SCAF8: variants seen among roughly 807,000 people sequenced by gnomAD.
The protein encoded by SCAF8 is SR-related CTD associated factor 8, also known as SR-related and CTD-associated factor 8.
In SCAF8, 23 loss-of-function variants were observed where a neutral mutation model predicts 140.5. The ratio of observed to expected loss-of-function variants is 0.16; its 90% CI spans 0.12 to 0.23. SCAF8 has a LOEUF of 0.23. Among genes scored for constraint, SCAF8 ranks in the 10% least tolerant of loss-of-function variants. The pLI is 1.00. For missense variants in SCAF8, 1,397 were observed against 1,555.7 expected (o/e 0.90, Z 1.72); for synonymous variants, 575 against 528.9 (o/e 1.09, Z -1.20).
At chr6:154,736,265 CTTTTTT>C (rs71021071) in intron 1 of SCAF8, among the ~76,000 whole-genome samples, 3 of 78,442 alleles carry the variant, frequency 3.8e-5, no homozygotes, top group South Asian at 4.8e-4. Flanking sequence ...CCATCCAAGA[CTTTTTT>C]TTTTTTTTTT....
At chr6:154,802,249 AT>A (rs1777793822) in intron 7 of SCAF8, 102 bp downstream of exon 7, 2 of 690,864 alleles carry the variant, frequency 2.9e-6, no homozygotes, top group South Asian at 5.7e-5. Flanking sequence ...GACTTTCAGT[AT>A]CTCCTGTACA....
rs752345266 is a variant in SCAF8 at position 154,832,720 on chromosome 6, A to G, written c.3141A>G (p.Glu1047=). The G allele has an allele frequency of 9.3e-6, 15 of 1,613,834 alleles. No individual in the cohort carries two copies. The Admixed American group carries it at 2.3e-4, about 25-fold the overall frequency. Residue 1047 remains glutamate (E), a synonymous_variant, in exon 20 of 20, where the codon GAA becomes GAG. Transcript: ENST00000367178. ...DVVGRPIDPR[E]GPGRPPLDGR... is the part of the protein sequence containing the mutation. ...TTGGGCGGCCTATAGATCCAAGAGA[A>G]GGTCCTGGACGGCCTCCACTAGATG...
chr6:154,826,824 CTA>C lies in SCAF8; in HGVS notation c.2072-347_2072-346del, dbSNP rs566276018. ...CCAGAGTTAACGGAAATATTTTGAT[CTA>C]GTGAGTAAACACACGTATCAAATAA... On this transcript the variant is annotated intron_variant, in intron 17 of 19. Transcript: ENST00000367178. 2.8e-4 allele frequency among the ~76,000 whole-genome samples: 42 copies of C among 152,246 alleles called. No individual in the cohort carries two copies. The East Asian group carries it at 4.2e-3, about 15-fold the overall frequency.
At chr6:154,763,978 C>T (rs1034246157) in intron 1 of SCAF8, among the ~76,000 whole-genome samples, 1 of 152,146 alleles carries the variant, frequency 6.6e-6, no homozygotes, top group Admixed American at 6.5e-5. Flanking sequence ...TTTGCTGATG[C>T]TGGACCTAAT....
intron 17 of SCAF8, among the ~76,000 whole-genome samples, chr6:154,825,923 A>G (rs1314810323): frequency 1.3e-5 from 2 of 152,180 alleles, no homozygotes; most frequent in Admixed American, 1.3e-4. Flanking sequence ...TTTGTTATCA[A>G]AGTTTATTAG....
Position 154,735,035 on chromosome 6 carries a change from A to G in SCAF8, c.30+1105A>G, listed in dbSNP as rs533594208. Among the ~76,000 whole-genome samples, 166 of 152,072 alleles carry G rather than the reference A, an allele frequency of 1.1e-3. 1 individual carries two copies. The South Asian group carries it at 0.033, about 31-fold the overall frequency. On this transcript the variant is annotated intron_variant, in intron 1 of 19. Coordinates refer to ENST00000367178, the MANE Select transcript of SCAF8 (RefSeq NM_014892.5). ...GCTACTTAGGAGGCTGAGGCAGGAG[A>G]ATCGCTTGAACCTGGGAAGCGGAGG...
intron 11 of SCAF8, 115 bp from the exon 12 acceptor site, chr6:154,809,900 A>G (rs1778039319): frequency 2.3e-6 from 2 of 852,696 alleles, no homozygotes; most frequent in South Asian, 1.6e-5. Context: ...ATTTTAACAT[A>G]TTGTCACTAA....
intron 3 of SCAF8, among the ~76,000 whole-genome samples, chr6:154,787,304 G>C (rs1777282928): frequency 6.6e-6 from 1 of 152,232 alleles, no homozygotes; most frequent in African/African-American, 2.4e-5. Context: ...GTTGTAGTGA[G>C]CCATGATGGC....
chr6:154,761,308 A>G (rs1776390290), intron 1 of SCAF8, among the ~76,000 whole-genome samples: 1 of 152,172 alleles, frequency 6.6e-6, no homozygotes, highest in Non-Finnish European at 1.5e-5. Context: ...CAACATGGTG[A>G]AACCCCATCT....
chr6:154,805,765 T>C (rs1346488666), intron 9 of SCAF8, among the ~76,000 whole-genome samples: 3 of 152,136 alleles, frequency 2.0e-5, no homozygotes, highest in Admixed American at 2.0e-4. Flanking sequence ...GAAATTAATT[T>C]CAGTGTACTG....
chr6:154,833,389 G>T lies in SCAF8; in HGVS notation c.3810G>T (p.Gly1270=). ...EPVVESTETE[G]T is the part of the protein sequence containing the mutation. Reference sequence around the variant, plus strand: ...TGGTAGAAAGCACAGAAACTGAGGGGACATAATCATCACTCAGTAGGTAAA... The same window carrying T: ...TGGTAGAAAGCACAGAAACTGAGGGTACATAATCATCACTCAGTAGGTAAA... Residue 1270 remains glycine (G), a synonymous_variant, in exon 20 of 20, where the codon GGG becomes GGT. Coordinates refer to ENST00000367178, the MANE Select transcript of SCAF8 (RefSeq NM_014892.5). 1.9e-6 allele frequency: 3 copies of T among 1,611,914 alleles called. No individual in the cohort carries two copies. Among genetic ancestry groups the T allele is most frequent in the Non-Finnish European group, 2.5e-6 (3 of 1,179,182 alleles).
At chr6:154,822,783 G>A (rs1298284720) in intron 16 of SCAF8, among the ~76,000 whole-genome samples, 2 of 152,142 alleles carry the variant, frequency 1.3e-5, no homozygotes, top group African/African-American at 4.8e-5. Flanking sequence ...ATTTAAATAT[G>A]TTTGTTTATT....
At chr6:154,827,557 T>C (rs1778600574) in intron 18 of SCAF8, among the ~76,000 whole-genome samples, 1 of 152,168 alleles carries the variant, frequency 6.6e-6, no homozygotes. Flanking sequence ...CCCTTCCTTT[T>C]CTTAATGCTT....
intron 11 of SCAF8, among the ~76,000 whole-genome samples, chr6:154,809,382 C>T (rs1778019152): frequency 1.3e-5 from 2 of 152,090 alleles, no homozygotes; most frequent in Non-Finnish European, 2.9e-5. Flanking sequence ...TTTCTTGTCA[C>T]AAAGTTCTTT....
intron 1 of SCAF8, among the ~76,000 whole-genome samples, chr6:154,772,104 G>A (rs1379378690): frequency 2.0e-5 from 3 of 152,176 alleles, no homozygotes; most frequent in Non-Finnish European, 4.4e-5. Flanking sequence ...GAGTAGAATT[G>A]AATGCTATAA....
chr6:154,741,967 T>A, intron 1 of SCAF8: 1 of 1,532,756 alleles, frequency 6.5e-7, no homozygotes, highest in Non-Finnish European at 8.7e-7. Context: ...ATTGTGCCTC[T>A]ACTCCTGCTT....
At chr6:154,790,651 C>T (rs1218348099) in intron 4 of SCAF8, among the ~76,000 whole-genome samples, 6 of 151,870 alleles carry the variant, frequency 4.0e-5, no homozygotes, top group Non-Finnish European at 7.4e-5. Context: ...GCTGGGACTA[C>T]AGGCGCCCAC....
At chr6:154,741,018 G>C (rs1778555509) in intron 1 of SCAF8, among the ~76,000 whole-genome samples, 1 of 152,168 alleles carries the variant, frequency 6.6e-6, no homozygotes, top group Non-Finnish European at 1.5e-5. Context: ...TATTACTTTG[G>C]GGAGGAGAGT....
intron 2 of SCAF8, 118 bp downstream of exon 2, chr6:154,774,190 A>G: frequency 1.4e-6 from 1 of 700,660 alleles, no homozygotes; most frequent in Non-Finnish European, 2.4e-6. Flanking sequence ...GTTAACACAT[A>G]TTGTGGAAAA....
Sources: allele counts gnomAD v4.1 joint callset (sites outside exome capture counted in the v4.1 genomes callset), GRCh38; gene constraint gnomAD v4.1.1; transcripts MANE v1.5; gene names NCBI Gene and HGNC (gene_info 2026-07-23, HGNC 2026-07-21).